ZNF334: variants seen among roughly 807,000 people sequenced by gnomAD.
ZNF334 encodes the protein zinc finger protein 334.
Under a neutral mutation model 12.4 loss-of-function variants are expected in ZNF334, and 14 were observed. That is an observed-to-expected ratio of 1.13 (90% CI 0.74 to 1.76). ZNF334 has a LOEUF of 1.76. Ranked by LOEUF, ZNF334 falls within the 40% of genes most tolerant of loss-of-function variation. ZNF334 has a pLI of 0.00. For missense variants in ZNF334, 797 were observed against 804.5 expected, an observed-to-expected ratio of 0.99 and a Z score of 0.11; for synonymous variants, 273 against 269.6, an observed-to-expected ratio of 1.01 and a Z score of -0.12.
the ZNF334 span, among the ~76,000 whole-genome samples, chr20:46,484,213 T>C: frequency 2.0e-5 from 3 of 152,164 alleles, no homozygotes; most frequent in African/African-American, 7.2e-5. Context: ...CCCCACTGAC[T>C]CAGCCAAGCA....
chr20:46,480,338 C>T, the ZNF334 span, among the ~76,000 whole-genome samples: 1 of 152,132 alleles, frequency 6.6e-6, no homozygotes, highest in Non-Finnish European at 1.5e-5. Flanking sequence ...GGACAAGCAG[C>T]ACACACTGGA....
chr20:46,502,632 G>T lies in ZNF334; in HGVS notation c.707C>A (p.Pro236Gln). Residue 236 changes from proline (P) to glutamine (Q), a missense_variant, in exon 5 of 5, where the codon CCA becomes CAA. Coordinates refer to ENST00000692313, the MANE Select transcript of ZNF334 (RefSeq NM_001353824.2). ...TQKGRQTERK[P>Q]NECNECRKTF... ...TTTCCTACATTCATTACATTCATTT[G>T]GTTTCCTTTCAGTCTGTCTCCCCTT... The T allele has an allele frequency of 6.2e-7, 1 of 1,612,866 alleles. No homozygotes were observed. Among genetic ancestry groups the T allele is most frequent in the Non-Finnish European group, 8.5e-7 (1 of 1,180,002 alleles).
At chr20:46,464,345 A>G in the ZNF334 span, 2 of 528,630 alleles carry the variant, frequency 3.8e-6, no homozygotes, top group Non-Finnish European at 3.8e-6. Context: ...GGACACTATG[A>G]TCTTGCTCTC....
At chr20:46,462,675 T>C in the ZNF334 span, among the ~76,000 whole-genome samples, 1 of 152,224 alleles carries the variant, frequency 6.6e-6, no homozygotes, top group Non-Finnish European at 1.5e-5. Flanking sequence ...GCTAACCCCA[T>C]TTCTTTCTTT....
chr20:46,485,136 T>A, the ZNF334 span: 13 of 167,178 alleles, frequency 7.8e-5, no homozygotes. Context: ...ACACCTCAAC[T>A]CAGAGTAACC....
chr20:46,511,941 ATATC>A (rs1472304930), intron 2 of ZNF334, 137 bp downstream of exon 2: 57 of 758,460 alleles, frequency 7.5e-5, no homozygotes, highest in Non-Finnish European at 1.2e-4. Flanking sequence ...TGATTTCTGT[ATATC>A]TATGTCCACT....
Position 46,504,699 on chromosome 20 carries a change from T to G in ZNF334, c.63A>C (p.Gln21His). Residue 21 changes from glutamine (Q) to histidine (H), a missense_variant, in exon 3 of 5, where the codon CAA (glutamine) becomes CAC (histidine). Transcript: ENST00000692313. ...SFQDLTVNFT[Q>H]EEWQQLDPAQ... The stretch of plus-strand genomic sequence containing the variant: ...CAGGGTCCAGTTGCTGCCATTCCTC[T>G]TGGGTGAAGTTCACAGTCAGGTCCT... 1 of 1,612,766 alleles carries G rather than the reference T, an allele frequency of 6.2e-7. No homozygotes were observed. The highest frequency in any genetic ancestry group is 1.7e-4 in the Middle Eastern group (1 of 6,038).
At chr20:46,475,863 T>C in the ZNF334 span, among the ~76,000 whole-genome samples, 1 of 152,214 alleles carries the variant, frequency 6.6e-6, no homozygotes, top group South Asian at 2.1e-4. Flanking sequence ...GAAAATAGTT[T>C]GGCAGTTTCT....
chr20:46,490,627 A>G, the ZNF334 span, among the ~76,000 whole-genome samples: 1 of 152,194 alleles, frequency 6.6e-6, no homozygotes, highest in Non-Finnish European at 1.5e-5. Context: ...AAAAAATTCA[A>G]TGGCCACTGT....
At chr20:46,487,666 C>A in the ZNF334 span, among the ~76,000 whole-genome samples, 43 of 152,238 alleles carry the variant, frequency 2.8e-4, 1 homozygote, top group East Asian at 7.7e-3. Context: ...ACTTCTTTAT[C>A]CCTGGAAATA....
chr20:46,486,490 G>C, the ZNF334 span, among the ~76,000 whole-genome samples: 1 of 152,182 alleles, frequency 6.6e-6, no homozygotes, highest in African/African-American at 2.4e-5. Flanking sequence ...TAAACAGCAT[G>C]CTGCACAAAT....
chr20:46,497,756 T>C (rs2061047867), downstream of ZNF334, among the ~76,000 whole-genome samples: 1 of 152,172 alleles, frequency 6.6e-6, no homozygotes, highest in Non-Finnish European at 1.5e-5. Context: ...TATAAAACTC[T>C]CTCATTCTCT....
At chr20:46,464,399 T>C in the ZNF334 span, 52 of 501,870 alleles carry the variant, frequency 1.0e-4, no homozygotes, top group Non-Finnish European at 7.6e-5. Context: ...CTTGAGACAG[T>C]AGGCGTGGCT....
At chr20:46,473,186 T>C in the ZNF334 span, among the ~76,000 whole-genome samples, 1 of 152,242 alleles carries the variant, frequency 6.6e-6, no homozygotes, top group African/African-American at 2.4e-5. Flanking sequence ...CTTATTTTTA[T>C]TTGAAAAGAT....
the ZNF334 span, among the ~76,000 whole-genome samples, chr20:46,463,237 AGAGT>A: frequency 6.6e-6 from 1 of 152,222 alleles, no homozygotes; most frequent in Non-Finnish European, 1.5e-5. Flanking sequence ...CCTGGGTGGC[AGAGT>A]GAGACTCCAT....
chr20:46,504,308 T>A lies in ZNF334; in HGVS notation c.149-2A>T. ...CATCTGGTTTGCTAACATGATACCC[T>A]GTTAATGGGAAATTACAGAACTTGG... On this transcript the variant is annotated splice_acceptor_variant, in intron 3 of 4. Coordinates refer to ENST00000692313, the MANE Select transcript of ZNF334 (RefSeq NM_001353824.2). LOFTEE classifies it high-confidence loss of function. 1 of 1,612,974 alleles carries A rather than the reference T, an allele frequency of 6.2e-7. No individual in the cohort carries two copies. The highest frequency in any genetic ancestry group is 8.5e-7 in the Non-Finnish European group (1 of 1,179,174).
At chr20:46,482,249 G>T in the ZNF334 span, among the ~76,000 whole-genome samples, 1 of 152,342 alleles carries the variant, frequency 6.6e-6, no homozygotes, top group South Asian at 2.1e-4. Flanking sequence ...TATGGCAGCA[G>T]TAAGAAACAT....
rs756276313 is a variant in ZNF334 at position 46,501,282 on chromosome 20, T to C, written c.*14A>G. 3.1e-6 allele frequency: 5 copies of C among 1,597,940 alleles called. No homozygotes were observed. Among genetic ancestry groups the C allele is most frequent in the Non-Finnish European group, 3.4e-6 (4 of 1,172,068 alleles). On this transcript the variant is annotated 3_prime_UTR_variant, in exon 5 of 5. Transcript: ENST00000692313. The stretch of plus-strand genomic sequence containing the variant: ...GATTTGTTGCTTTGTTGGAATTTAT[T>C]ACTTTGTTGGAACTTATTCCTTGTG...
chr20:46,466,439 A>G, the ZNF334 span, among the ~76,000 whole-genome samples: 4 of 152,210 alleles, frequency 2.6e-5, no homozygotes, highest in African/African-American at 9.7e-5. Flanking sequence ...ATGTGAAAAC[A>G]GCCCATAAAT....
Sources: allele counts gnomAD v4.1 joint callset (sites outside exome capture counted in the v4.1 genomes callset), GRCh38; gene constraint gnomAD v4.1.1; transcripts MANE v1.5; gene names NCBI Gene and HGNC (gene_info 2026-07-23, HGNC 2026-07-21).